Variants in RFX4 observed in about 807,000 individuals in gnomAD.
RFX4 encodes the protein regulatory factor X4.
RFX4 carries 10 observed loss-of-function variants against 95.0 expected under a neutral mutation model. The ratio of observed to expected loss-of-function variants is 0.11; its 90% CI spans 0.06 to 0.18. The LOEUF (loss-of-function observed/expected upper bound fraction) is 0.18, where lower values mean the gene tolerates loss of function less well. Among genes scored for constraint, RFX4 ranks in the 10% least tolerant of loss-of-function variants. The probability of loss-of-function intolerance (pLI) is 1.00; values close to 1 mark genes in which losing one functional copy is unlikely to be tolerated. For missense variants in RFX4, 640 were observed against 922.0 expected, an observed-to-expected ratio of 0.69 and a Z score of 3.96; for synonymous variants, 321 against 340.7, an observed-to-expected ratio of 0.94 and a Z score of 0.64.
At chr12:106,689,167 T>C (rs2041727770) in intron 6 of RFX4, 120 bp from the exon 7 acceptor site, 3 of 835,872 alleles carry the variant, frequency 3.6e-6, no homozygotes, top group Non-Finnish European at 6.2e-6. Flanking sequence ...GCTGAGCCGG[T>C]GTTAGGTGAA....
chr12:106,583,898 G>T (rs2039412914), intron 1 of RFX4, among the ~76,000 whole-genome samples: 1 of 152,240 alleles, frequency 6.6e-6, no homozygotes, highest in South Asian at 2.1e-4. Flanking sequence ...GGGAGTGGCG[G>T]CGGCGAACCC....
In RFX4 at chr12:106,691,610, A is replaced by G. The variant is rs567552665; in HGVS notation, c.669+2246A>G. 8.5e-5 allele frequency among the ~76,000 whole-genome samples: 13 copies of G among 152,360 alleles called. No homozygotes were observed. The East Asian group carries it at 2.1e-3, about 25-fold the overall frequency. ...TGGTTTCAAGTCTTCCAAGTCTTTA[A>G]TATCAGTTGAGGTTACAACTTATGC... On this transcript the variant is annotated intron_variant, in intron 7 of 17. Transcript: ENST00000392842.
rs114652344 is a variant in RFX4 at position 106,589,742 on chromosome 12, A to G, written c.43+6379A>G. ...TCCCACTTGGTGAGAAGGGAAACAG[A>G]TGGATGAGAGTGGAGAATCACAGAA... On this transcript the variant is annotated intron_variant, in intron 1 of 17. Coordinates refer to ENST00000392842, the MANE Select transcript of RFX4 (RefSeq NM_213594.3). 5.2e-3 allele frequency among the ~76,000 whole-genome samples: 799 copies of G among 152,306 alleles called. 6 individuals are homozygous for G. Among genetic ancestry groups the G allele is most frequent in the African/African-American group, 0.018 (734 of 41,570 alleles).
intron 15 of RFX4, among the ~76,000 whole-genome samples, chr12:106,746,198 A>G (rs1469924819): frequency 6.6e-6 from 1 of 152,088 alleles, no homozygotes; most frequent in East Asian, 1.9e-4. Flanking sequence ...TCTACTAAAA[A>G]TACAAATATT....
intron 3 of RFX4, among the ~76,000 whole-genome samples, chr12:106,647,961 T>C (rs938344501): frequency 1.3e-5 from 2 of 152,162 alleles, no homozygotes; most frequent in Non-Finnish European, 2.9e-5. Flanking sequence ...CTAAAACCAG[T>C]GCTGGCTCCT....
intron 4 of RFX4, among the ~76,000 whole-genome samples, chr12:106,661,061 T>C (rs955333586): frequency 3.9e-5 from 6 of 152,198 alleles, no homozygotes; most frequent in Non-Finnish European, 7.4e-5. Context: ...CACCATGTGC[T>C]GTAGCCCATG....
intron 1 of RFX4, among the ~76,000 whole-genome samples, chr12:106,599,296 T>A (rs2039665144): frequency 6.6e-6 from 1 of 152,092 alleles, no homozygotes; most frequent in Admixed American, 6.5e-5. Flanking sequence ...AGCCACATTA[T>A]TGAGCACCTA....
intron 2 of RFX4, among the ~76,000 whole-genome samples, chr12:106,634,702 C>G (rs1177520489): frequency 1.3e-5 from 2 of 152,156 alleles, no homozygotes; most frequent in African/African-American, 4.8e-5. Context: ...CTGCTCTCAC[C>G]TTCTCCACCC....
chr12:106,631,681 T>C (rs2040418209), intron 2 of RFX4, among the ~76,000 whole-genome samples: 1 of 152,228 alleles, frequency 6.6e-6, no homozygotes, highest in Non-Finnish European at 1.5e-5. Context: ...TGCCTTCATC[T>C]TGAACTTCCA....
chr12:106,708,403 T>C (rs1592965363), intron 8 of RFX4, among the ~76,000 whole-genome samples: 1 of 147,426 alleles, frequency 6.8e-6, no homozygotes, highest in African/African-American at 2.5e-5. Context: ...GAGGAGAGAG[T>C]TGGGGAATTG....
intron 1 of RFX4, among the ~76,000 whole-genome samples, chr12:106,600,681 C>A (rs778209889): frequency 2.6e-5 from 4 of 152,128 alleles, no homozygotes; most frequent in Non-Finnish European, 5.9e-5. Flanking sequence ...GGAGGGTCTG[C>A]GAGTCCCTAC....
intron 1 of RFX4, among the ~76,000 whole-genome samples, chr12:106,604,771 A>C (rs1275066084): frequency 6.6e-6 from 1 of 152,224 alleles, no homozygotes; most frequent in Non-Finnish European, 1.5e-5. Context: ...GTGTATGACA[A>C]AGGCTGACAA....
chr12:106,583,203 CG>C lies in RFX4; in HGVS notation c.-117del, dbSNP rs1236818536. ...TATCCTTGTGCCCCCTCACTTTCTG[CG>C]TCTCTCTCTCTCCCCTTCTCCCTCC... On this transcript the variant is annotated 5_prime_UTR_variant, in exon 1 of 18. Coordinates refer to ENST00000392842, the MANE Select transcript of RFX4 (RefSeq NM_213594.3). The C allele has an allele frequency of 3.3e-6, 3 of 908,316 alleles. No individual in the cohort carries two copies. The highest frequency in any genetic ancestry group is 4.8e-6 in the Non-Finnish European group (3 of 620,864). The allele number at this position is 908,316 out of a possible 1,614,324, so 56.3% of individuals were successfully genotyped here.
At chr12:106,591,810 T>C (rs2039551549) in intron 1 of RFX4, among the ~76,000 whole-genome samples, 1 of 152,198 alleles carries the variant, frequency 6.6e-6, no homozygotes, top group South Asian at 2.1e-4. Flanking sequence ...AGCCTTTAGG[T>C]AACTTAAACA....
intron 13 of RFX4, among the ~76,000 whole-genome samples, chr12:106,728,537 G>T (rs898329046): frequency 6.6e-6 from 1 of 152,090 alleles, no homozygotes; most frequent in Non-Finnish European, 1.5e-5. Context: ...GAGGAGGCAT[G>T]CAATAACAAT....
chr12:106,631,977 G>A (rs1027455021), intron 2 of RFX4, among the ~76,000 whole-genome samples: 3 of 152,160 alleles, frequency 2.0e-5, no homozygotes, highest in Non-Finnish European at 4.4e-5. Context: ...ACCGGAAGTG[G>A]TTCAATTAAT....
intron 1 of RFX4, among the ~76,000 whole-genome samples, chr12:106,590,570 T>G (rs182111294): frequency 6.6e-6 from 1 of 152,224 alleles, no homozygotes; most frequent in Non-Finnish European, 1.5e-5. Flanking sequence ...TTCCTAACTT[T>G]CCTGAGGCAG....
At chr12:106,684,398 G>A (rs961834877) in intron 5 of RFX4, among the ~76,000 whole-genome samples, 1 of 152,066 alleles carries the variant, frequency 6.6e-6, no homozygotes, top group Non-Finnish European at 1.5e-5. Flanking sequence ...TGTATCCCCT[G>A]CCTTTTTTTA....
chr12:106,748,955 C>A (rs1245625946), intron 16 of RFX4, among the ~76,000 whole-genome samples: 3 of 151,966 alleles, frequency 2.0e-5, no homozygotes, highest in Non-Finnish European at 2.9e-5. Flanking sequence ...CGTAGTGGCA[C>A]GCGCCTGTAG....
Sources: gnomAD v4.1 joint callset for allele counts (sites outside exome capture counted in the v4.1 genomes callset) on GRCh38, gnomAD v4.1.1 for gene constraint, MANE v1.5 for transcripts, NCBI Gene and HGNC (gene_info 2026-07-23, HGNC 2026-07-21) for gene names.